Variants in UGT1A3 observed in about 807,000 individuals in gnomAD.
UGT1A3 encodes the protein UDP-glucuronosyltransferase 1A3.
In UGT1A3, 31 loss-of-function variants were observed where a neutral mutation model predicts 41.0. The observed-to-expected ratio is 0.76, with a 90% CI of 0.57 to 1.02. The LOEUF (loss-of-function observed/expected upper bound fraction) is 1.02. UGT1A3 is among the 50% of genes least tolerant of loss of function. The pLI is 0.00. For synonymous variants in UGT1A3, 262 were observed against 257.6 expected (o/e 1.02, Z -0.17); for missense variants, 737 against 671.0 (o/e 1.10, Z -1.09).
At chr2:233,743,793 C>A (rs768890081) in intron 1 of UGT1A3, 2 of 1,367,374 alleles carry the variant, frequency 1.5e-6, no homozygotes, top group Admixed American at 3.8e-5. Flanking sequence ...CTCCTCTCCG[C>A]TTCCTCCTTG....
intron 1 of UGT1A3, chr2:233,755,364 C>G (rs1279732640): frequency 1.4e-5 from 5 of 364,304 alleles, no homozygotes; most frequent in Non-Finnish European, 2.6e-5. Flanking sequence ...ACCTGGGCCG[C>G]CTGGAGGGCC....
chr2:233,739,438 T>G (rs1285921869), intron 1 of UGT1A3, among the ~76,000 whole-genome samples: 1 of 152,226 alleles, frequency 6.6e-6, no homozygotes, highest in Non-Finnish European at 1.5e-5. Context: ...GGCTTTACCC[T>G]GCAAAGCCAC....
intron 4 of UGT1A3, among the ~76,000 whole-genome samples, chr2:233,768,709 T>G (rs1699703660): frequency 6.6e-6 from 1 of 151,010 alleles, no homozygotes; most frequent in African/African-American, 2.4e-5. Context: ...TCAGCCTCCG[T>G]GTAGCTGGGA....
chr2:233,743,887 C>G (rs1296707110), intron 1 of UGT1A3: 23 of 1,366,658 alleles, frequency 1.7e-5, no homozygotes, highest in Non-Finnish European at 2.3e-5. Flanking sequence ...CCTGCCGGGG[C>G]ACGTCCAGCA....
At chr2:233,747,242 T>C (rs985835805) in intron 1 of UGT1A3, 31 of 1,603,322 alleles carry the variant, frequency 1.9e-5, no homozygotes, top group African/African-American at 5.4e-5. Flanking sequence ...GTTCCCCTGC[T>C]GTGGCTGGCC....
rs961413232 is a variant in UGT1A3 at position 233,745,610 on chromosome 2, A to G, written c.867+15617A>G. Among the ~76,000 whole-genome samples the G allele has an allele frequency of 4.0e-4, 61 of 151,736 alleles. 2 individuals carry two copies. Among genetic ancestry groups the G allele is most frequent in the African/African-American group, 1.3e-3 (55 of 41,108 alleles). ...GACCCGGACTTGGCACTTGGTAAGCACACAATGAACAGTCATAGAAAGCTG... is the reference window on the plus strand; with the variant it reads ...GACCCGGACTTGGCACTTGGTAAGCGCACAATGAACAGTCATAGAAAGCTG... On this transcript the variant is annotated intron_variant, in intron 1 of 4. Coordinates refer to ENST00000482026, the MANE Select transcript of UGT1A3 (RefSeq NM_019093.4).
chr2:233,763,100 C>T (rs888370802), intron 1 of UGT1A3, among the ~76,000 whole-genome samples: 9 of 152,128 alleles, frequency 5.9e-5, no homozygotes, highest in Non-Finnish European at 7.3e-5. Context: ...GGAGAGGCAC[C>T]GAACTTTATC....
chr2:233,757,798 G>T (rs1696723883), intron 1 of UGT1A3, among the ~76,000 whole-genome samples: 1 of 151,794 alleles, frequency 6.6e-6, no homozygotes, highest in Non-Finnish European at 1.5e-5. Flanking sequence ...TTGATGAAAG[G>T]AGATGAAAGG....
chr2:233,741,234 T>C (rs1176985414), intron 1 of UGT1A3, among the ~76,000 whole-genome samples: 1 of 151,886 alleles, frequency 6.6e-6, no homozygotes, highest in Non-Finnish European at 1.5e-5. Flanking sequence ...CCACTACCTC[T>C]GAGTGACACT....
chr2:233,753,489 A>C (rs964194118), intron 1 of UGT1A3: 3 of 151,990 alleles, frequency 2.0e-5, no homozygotes, highest in African/African-American at 7.3e-5. Context: ...TGCTGCTCTT[A>C]ATTTTTTTCA....
At chr2:233,751,848 C>A (rs1317042286) in intron 1 of UGT1A3, among the ~76,000 whole-genome samples, 1 of 152,136 alleles carries the variant, frequency 6.6e-6, no homozygotes, top group African/African-American at 2.4e-5. Context: ...GTCATTTAAA[C>A]CTTTGTCTTT....
rs45449797 is a variant in UGT1A3 at position 233,730,263 on chromosome 2, G to T, written c.867+270G>T. On this transcript the variant is annotated intron_variant, in intron 1 of 4. Coordinates refer to ENST00000482026, the MANE Select transcript of UGT1A3 (RefSeq NM_019093.4). ...ACTGGTGTGACTCATAGAGACTGTTGGTTTGTAAAGGCACCATCTTCATGG... is the reference window on the plus strand; with the variant it reads ...ACTGGTGTGACTCATAGAGACTGTTTGTTTGTAAAGGCACCATCTTCATGG... Among the ~76,000 whole-genome samples, 819 of 152,182 alleles carry T rather than the reference G, an allele frequency of 5.4e-3. 8 individuals carry two copies. The highest frequency in any genetic ancestry group is 0.019 in the African/African-American group (780 of 41,512).
In UGT1A3 at chr2:233,743,718, G is replaced by A. The variant is rs751411472; in HGVS notation, c.867+13725G>A. The stretch of plus-strand genomic sequence containing the variant: ...CCCTCCGCCCCCGCCTCGCCATAGC[G>A]GTCATAGATATCGCGTTTCTTGGCG... On this transcript the variant is annotated intron_variant, in intron 1 of 4. Transcript: ENST00000482026. The A allele has an allele frequency of 1.2e-5, 16 of 1,367,210 alleles. No homozygotes were observed. In the East Asian group the frequency reaches 1.8e-4, roughly 16 times the overall value. 84.7% of individuals were successfully genotyped at this position (1,367,210 alleles called of 1,614,324 possible). A position where few individuals can be genotyped will look rare whatever the true frequency, so the allele number is the denominator to read the frequency against.
At chr2:233,755,411 C>G (rs1182147250) in intron 1 of UGT1A3, 4 of 330,942 alleles carry the variant, frequency 1.2e-5, no homozygotes, top group South Asian at 7.6e-5. Flanking sequence ...TTGGCCGAGG[C>G]CTGTGAGCGC....
intron 1 of UGT1A3, among the ~76,000 whole-genome samples, chr2:233,749,534 G>A (rs1161512462): frequency 6.6e-6 from 1 of 151,852 alleles, no homozygotes; most frequent in Non-Finnish European, 1.5e-5. Flanking sequence ...ATTTTCGAGT[G>A]TGGTAAAGAA....
At chr2:233,763,944 G>T (rs1331783792) in intron 1 of UGT1A3, among the ~76,000 whole-genome samples, 1 of 152,182 alleles carries the variant, frequency 6.6e-6, no homozygotes, top group South Asian at 2.1e-4. Flanking sequence ...AGGAAAGCTT[G>T]GGAGCAGGGA....
intron 1 of UGT1A3, among the ~76,000 whole-genome samples, chr2:233,746,960 G>T (rs1278359250): frequency 6.6e-6 from 1 of 151,782 alleles, no homozygotes; most frequent in African/African-American, 2.4e-5. Flanking sequence ...GCTTGAACTT[G>T]GATGTTCCCC....
intron 1 of UGT1A3, among the ~76,000 whole-genome samples, chr2:233,733,272 C>A (rs1167854143): frequency 6.6e-6 from 1 of 152,152 alleles, no homozygotes; most frequent in African/African-American, 2.4e-5. Context: ...TATTTGACTT[C>A]CTCTTTTCCT....
intron 1 of UGT1A3, chr2:233,747,614 T>A (rs1693730257): frequency 3.8e-6 from 6 of 1,574,498 alleles, no homozygotes; most frequent in Non-Finnish European, 1.7e-6. Flanking sequence ...TACTGCATAA[T>A]GAGGCCCTGA....
Sources: gnomAD v4.1 joint callset for allele counts (sites outside exome capture counted in the v4.1 genomes callset) on GRCh38, gnomAD v4.1.1 for gene constraint, MANE v1.5 for transcripts, NCBI Gene and HGNC (gene_info 2026-07-23, HGNC 2026-07-21) for gene names.